RIN2: variants seen among roughly 807,000 people sequenced by gnomAD.
RIN2 encodes the protein Ras and Rab interactor 2.
A neutral mutation model predicts 78.0 loss-of-function variants in RIN2; 36 were observed. The ratio of observed to expected loss-of-function variants is 0.46; its 90% confidence interval spans 0.35 to 0.61. The LOEUF (loss-of-function observed/expected upper bound fraction) is 0.61. Among genes scored for constraint, RIN2 ranks in the 20% least tolerant of loss-of-function variants. The pLI, the probability that RIN2 is intolerant of heterozygous loss-of-function variation, is 0.00. For missense variants in RIN2, 1,087 were observed against 1,159.7 expected (o/e 0.94, Z 0.91); for synonymous variants, 466 against 466.8 (o/e 1.00, Z 0.02).
intron 3 of RIN2, among the ~76,000 whole-genome samples, chr20:19,892,225 A>T (rs6046431): frequency 0.66 from 100,780 of 151,630 alleles, 34,381 homozygotes; most frequent in African/African-American, 0.83. Context: ...TTAATTAATT[A>T]ATTTATTTTG....
At chr20:19,833,246 TA>T (rs900033922) in intron 2 of RIN2, among the ~76,000 whole-genome samples, 13 of 150,274 alleles carry the variant, frequency 8.7e-5, no homozygotes, top group African/African-American at 3.0e-4. Flanking sequence ...AAAATCATAA[TA>T]AAACCTATAT....
At chr20:19,869,193 G>T (rs1172143664) in intron 2 of RIN2, among the ~76,000 whole-genome samples, 1 of 152,068 alleles carries the variant, frequency 6.6e-6, no homozygotes, top group Admixed American at 6.6e-5. Flanking sequence ...CTGGAGAGAG[G>T]GATTAGAAAT....
At chr20:19,838,904 C>G (rs930920088) in intron 2 of RIN2, among the ~76,000 whole-genome samples, 1 of 152,154 alleles carries the variant, frequency 6.6e-6, no homozygotes. Flanking sequence ...CTCCAGCCCC[C>G]AAACCTCCAC....
chr20:19,948,491 T>C, intron 4 of RIN2, among the ~76,000 whole-genome samples: 1 of 152,076 alleles, frequency 6.6e-6, no homozygotes, highest in East Asian at 1.9e-4. Flanking sequence ...GCCTCCCAGG[T>C]TCAAGCCATT....
At position 19,846,088 on chromosome 20, in the gene RIN2, T is replaced by C. The variant is rs561223899; in HGVS notation, c.-36-43478T>C. On this transcript the variant is annotated intron_variant, in intron 2 of 12. Transcript: ENST00000255006. The stretch of plus-strand genomic sequence containing the variant: ...CTCTGTTCTGTTCCATTGGTCTATC[T>C]ACCTGTTTTGGTACCATTACTGTGC... Among the ~76,000 whole-genome samples, 4 of 152,334 alleles carry C rather than the reference T, an allele frequency of 2.6e-5. No individual in the cohort carries two copies. The East Asian group carries it at 7.7e-4, about 29-fold the overall frequency.
At chr20:19,908,719 C>T (rs1600763311) in intron 3 of RIN2, among the ~76,000 whole-genome samples, 1 of 152,168 alleles carries the variant, frequency 6.6e-6, no homozygotes, top group East Asian at 1.9e-4. Context: ...TCAGAAATTA[C>T]TCACAGGCAG....
intron 1 of RIN2, among the ~76,000 whole-genome samples, chr20:19,789,369 T>A (rs1266111496): frequency 2.0e-5 from 3 of 152,258 alleles, no homozygotes; most frequent in African/African-American, 7.2e-5. Flanking sequence ...GAAGATTTTT[T>A]AAAATAATAC....
intron 4 of RIN2, among the ~76,000 whole-genome samples, chr20:19,946,713 CAAA>C (rs74180972): frequency 0.05 from 3,934 of 77,928 alleles, 84 homozygotes; most frequent in Middle Eastern, 0.087. Context: ...GATTCTATCT[CAAA>C]AAAAAAAAAA....
At chr20:19,761,425 A>C (rs1368624216) in intron 1 of RIN2, among the ~76,000 whole-genome samples, 2 of 152,334 alleles carry the variant, frequency 1.3e-5, no homozygotes, top group African/African-American at 4.8e-5. Context: ...CAGGACTTTA[A>C]GGAGTCTTTA....
chr20:19,789,274 G>T (rs1010038201), intron 1 of RIN2, among the ~76,000 whole-genome samples: 1 of 152,178 alleles, frequency 6.6e-6, no homozygotes, highest in African/African-American at 2.4e-5. Context: ...TTTTATGATG[G>T]ATCATAGGCT....
chr20:19,873,210 G>C (rs562970246), intron 2 of RIN2, among the ~76,000 whole-genome samples: 1 of 151,848 alleles, frequency 6.6e-6, no homozygotes, highest in South Asian at 2.1e-4. Flanking sequence ...CTGCAGCCTT[G>C]ATCTCCTGGG....
intron 1 of RIN2, among the ~76,000 whole-genome samples, chr20:19,782,861 A>G (rs578262399): frequency 1.1e-4 from 17 of 152,318 alleles, no homozygotes; most frequent in South Asian, 6.2e-4. Context: ...TGGCCATTCA[A>G]CAGGTGTTTG....
chr20:19,943,945 C>T (rs1438749730), intron 4 of RIN2, among the ~76,000 whole-genome samples: 1 of 138,782 alleles, frequency 7.2e-6, no homozygotes, highest in Non-Finnish European at 1.5e-5. Flanking sequence ...TAGAATATTA[C>T]AGAGACATGT....
intron 8 of RIN2, among the ~76,000 whole-genome samples, chr20:19,973,071 T>A (rs1428547532): frequency 6.6e-6 from 1 of 152,222 alleles, no homozygotes; most frequent in African/African-American, 2.4e-5. Flanking sequence ...AGGCCCTGAA[T>A]GTTTGTCAGA....
chr20:19,837,169 A>AACACAC (rs142399537), intron 2 of RIN2, among the ~76,000 whole-genome samples: 3,034 of 140,146 alleles, frequency 0.022, 110 homozygotes, highest in African/African-American at 0.066. Flanking sequence ...CGCCCCCCCC[A>AACACAC]ACACACACAC....
intron 2 of RIN2, among the ~76,000 whole-genome samples, chr20:19,829,929 C>T (rs1251778784): frequency 6.6e-6 from 1 of 152,334 alleles, no homozygotes; most frequent in East Asian, 1.9e-4. Flanking sequence ...GGGAGCCCAT[C>T]TGCGTGGTAG....
At chr20:19,781,505 G>A (rs75894454) in intron 1 of RIN2, among the ~76,000 whole-genome samples, 11,555 of 152,218 alleles carry the variant, frequency 0.076, 433 homozygotes, top group South Asian at 0.11. Flanking sequence ...TCTGCTCACT[G>A]CAACCCCCGT....
intron 1 of RIN2, among the ~76,000 whole-genome samples, chr20:19,798,406 G>A (rs549760734): frequency 5.3e-5 from 8 of 152,058 alleles, no homozygotes; most frequent in South Asian, 2.1e-4. Context: ...ATCTGTGTGC[G>A]AGATTTCCAG....
intron 2 of RIN2, among the ~76,000 whole-genome samples, chr20:19,886,020 G>C (rs1035166021): frequency 6.6e-6 from 1 of 152,168 alleles, no homozygotes; most frequent in Non-Finnish European, 1.5e-5. Context: ...AATAGGCGAC[G>C]GGGGAGGGCA....
Sources: gnomAD v4.1 joint callset for allele counts (sites outside exome capture counted in the v4.1 genomes callset) on GRCh38, gnomAD v4.1.1 for gene constraint, MANE v1.5 for transcripts, NCBI Gene and HGNC (gene_info 2026-07-23, HGNC 2026-07-21) for gene names.